The following ADK variants were observed in gnomAD, a reference collection of about 807,000 sequenced individuals.
ADK encodes N6,N6-dimethyladenosine kinase.
Under a neutral mutation model 44.7 loss-of-function variants are expected in ADK, and 24 were observed. The ratio of observed to expected loss-of-function variants is 0.54; its 90% confidence interval spans 0.39 to 0.76. The LOEUF (loss-of-function observed/expected upper bound fraction) is 0.76. Among genes scored for constraint, ADK ranks in the 30% least tolerant of loss-of-function variants. The pLI, the probability that ADK is intolerant of heterozygous loss-of-function variation, is 0.00. For missense variants in ADK, 321 were observed against 425.1 expected, an observed-to-expected ratio of 0.76 and a Z score of 2.15; for synonymous variants, 128 against 142.6, an observed-to-expected ratio of 0.90 and a Z score of 0.73.
intron 2 of ADK, among the ~76,000 whole-genome samples, chr10:74,216,002 C>A (rs183491156): frequency 1.3e-5 from 2 of 152,042 alleles, no homozygotes; most frequent in Non-Finnish European, 2.9e-5. Context: ...TGATTTGATA[C>A]CCCTTTTATT....
At chr10:74,227,728 C>T (rs911053683) in intron 3 of ADK, among the ~76,000 whole-genome samples, 2 of 152,116 alleles carry the variant, frequency 1.3e-5, no homozygotes, top group Non-Finnish European at 2.9e-5. Context: ...CCTGTAATCC[C>T]AGCTACTCAG....
chr10:74,597,901 A>G (rs1851977049), intron 8 of ADK, among the ~76,000 whole-genome samples: 1 of 152,144 alleles, frequency 6.6e-6, no homozygotes, highest in African/African-American at 2.4e-5. Flanking sequence ...GCTTAAGGTG[A>G]TGTCTGTCAA....
At chr10:74,204,930 C>T (rs772831370) in intron 2 of ADK, among the ~76,000 whole-genome samples, 2 of 150,578 alleles carry the variant, frequency 1.3e-5, no homozygotes, top group Non-Finnish European at 2.9e-5. Flanking sequence ...GTCCCAGTTA[C>T]TCGGGTGGCT....
chr10:74,696,219 C>T (rs1856195596), intron 10 of ADK, among the ~76,000 whole-genome samples: 1 of 151,470 alleles, frequency 6.6e-6, no homozygotes. Context: ...TGGGGTTTCA[C>T]CATGTTGGCC....
chr10:74,376,008 T>C (rs1455075429), intron 4 of ADK, among the ~76,000 whole-genome samples: 2 of 152,074 alleles, frequency 1.3e-5, no homozygotes, highest in East Asian at 3.8e-4. Context: ...GCCAGCTTAA[T>C]GTACTAATTC....
chr10:74,496,609 C>T lies in ADK; in HGVS notation c.556-28647C>T, dbSNP rs112521307. ...TCCTTCACAGCAGTGTGAGAATGGA[C>T]GAATACAGCCACCATGCCACACTAT... On this transcript the variant is annotated intron_variant, in intron 6 of 10. Coordinates refer to ENST00000539909, the MANE Select transcript of ADK (RefSeq NM_006721.4). 1.3e-4 allele frequency among the ~76,000 whole-genome samples: 20 copies of T among 152,188 alleles called. 1 individual carries two copies. Among genetic ancestry groups the T allele is most frequent in the African/African-American group, 3.1e-4 (13 of 41,522 alleles).
chr10:74,176,042 T>A (rs1246496218), intron 1 of ADK, among the ~76,000 whole-genome samples: 1 of 152,178 alleles, frequency 6.6e-6, no homozygotes, highest in East Asian at 1.9e-4. Flanking sequence ...TCAAATAGGA[T>A]AGCCTTGAGT....
At chr10:74,553,219 T>G (rs1334102717) in intron 7 of ADK, among the ~76,000 whole-genome samples, 5 of 122,460 alleles carry the variant, frequency 4.1e-5, no homozygotes, top group African/African-American at 1.9e-4. Context: ...TTTTTTTTTT[T>G]GAGACAGAGT....
intron 7 of ADK, among the ~76,000 whole-genome samples, chr10:74,586,596 G>A (rs1434493452): frequency 6.6e-6 from 1 of 152,058 alleles, no homozygotes; most frequent in East Asian, 1.9e-4. Context: ...ACTCATACCT[G>A]TAATCCCAGA....
intron 6 of ADK, among the ~76,000 whole-genome samples, chr10:74,486,103 T>TCA (rs751977488): frequency 1.3e-5 from 2 of 152,132 alleles, no homozygotes; most frequent in Non-Finnish European, 2.9e-5. Context: ...AGGAGAGACC[T>TCA]GGTGGGAGGT....
intron 6 of ADK, among the ~76,000 whole-genome samples, chr10:74,522,415 C>A (rs900604147): frequency 2.0e-5 from 3 of 152,012 alleles, no homozygotes; most frequent in Non-Finnish European, 2.9e-5. Flanking sequence ...CTTGCTTCTG[C>A]GGGTTTTCTC....
intron 4 of ADK, among the ~76,000 whole-genome samples, chr10:74,368,966 A>G (rs1472763186): frequency 6.6e-6 from 1 of 152,168 alleles, no homozygotes; most frequent in Admixed American, 6.5e-5. Context: ...CATACAGTAT[A>G]TTGGGCTACA....
At chr10:74,427,566 T>G (rs10733903) in intron 6 of ADK, among the ~76,000 whole-genome samples, 110,123 of 152,040 alleles carry the variant, frequency 0.72, 40,513 homozygotes, top group Middle Eastern at 0.86. Context: ...GTGAGCCTGG[T>G]TTCTCACTAT....
intron 6 of ADK, among the ~76,000 whole-genome samples, chr10:74,422,959 G>A (rs921200874): frequency 3.9e-5 from 6 of 152,134 alleles, no homozygotes; most frequent in African/African-American, 1.4e-4. Context: ...CCAGCTGAAG[G>A]AAGAGCTACC....
At chr10:74,428,120 C>G (rs1289406064) in intron 6 of ADK, among the ~76,000 whole-genome samples, 2 of 152,164 alleles carry the variant, frequency 1.3e-5, no homozygotes, top group Non-Finnish European at 2.9e-5. Flanking sequence ...CCAAATTTTA[C>G]TCTTTTTATC....
At chr10:74,674,445 C>T (rs1589359369) in intron 10 of ADK, among the ~76,000 whole-genome samples, 2 of 152,224 alleles carry the variant, frequency 1.3e-5, no homozygotes, top group South Asian at 4.1e-4. Flanking sequence ...ACCAGCCTGA[C>T]CAACATGGCG....
At chr10:74,305,454 C>T (rs530866841) in intron 3 of ADK, among the ~76,000 whole-genome samples, 1 of 152,238 alleles carries the variant, frequency 6.6e-6, no homozygotes, top group South Asian at 2.1e-4. Flanking sequence ...TCCCTCCTTG[C>T]TCCTCTCCTT....
chr10:74,505,737 T>C (rs1848048143), intron 6 of ADK, among the ~76,000 whole-genome samples: 1 of 151,946 alleles, frequency 6.6e-6, no homozygotes, highest in African/African-American at 2.4e-5. Context: ...TAAGTTGAGG[T>C]CTACTTCCAT....
intron 6 of ADK, among the ~76,000 whole-genome samples, chr10:74,477,481 T>A (rs929873659): frequency 6.6e-5 from 10 of 152,228 alleles, no homozygotes; most frequent in Non-Finnish European, 1.3e-4. Flanking sequence ...GTACTGAGAT[T>A]ACAGTAGTGC....
Sources: gnomAD v4.1 joint callset for allele counts (sites outside exome capture counted in the v4.1 genomes callset) on GRCh38, gnomAD v4.1.1 for gene constraint, MANE v1.5 for transcripts, NCBI Gene and HGNC (gene_info 2026-07-23, HGNC 2026-07-21) for gene names.